Variants in COL4A2 observed in about 807,000 individuals in gnomAD.
The protein encoded by COL4A2 is collagen type IV alpha 2 chain, also known as collagen alpha-2(IV) chain.
COL4A2 carries 99 observed loss-of-function variants against 200.2 expected under a neutral mutation model. That is an observed-to-expected ratio of 0.49 (90% CI 0.42 to 0.58). The LOEUF (loss-of-function observed/expected upper bound fraction) is 0.58, where lower values mean the gene tolerates loss of function less well. COL4A2 is among the 20% of genes least tolerant of loss of function. The pLI is 0.00. For missense variants in COL4A2, 1,950 were observed against 2,314.1 expected, an observed-to-expected ratio of 0.84 and a Z score of 3.23; for synonymous variants, 897 against 900.6, an observed-to-expected ratio of 1.00 and a Z score of 0.07.
chr13:110,405,373 C>T (rs1010519164), intron 4 of COL4A2, among the ~76,000 whole-genome samples: 4 of 152,136 alleles, frequency 2.6e-5, no homozygotes, highest in Admixed American at 2.0e-4. Context: ...TGTATGGAAG[C>T]CTGGGTTGAG....
chr13:110,390,359 C>T (rs899130825), intron 4 of COL4A2, among the ~76,000 whole-genome samples: 1 of 152,216 alleles, frequency 6.6e-6, no homozygotes, highest in African/African-American at 2.4e-5. Context: ...CACAGATTCC[C>T]AAAGGTCACG....
At chr13:110,320,656 T>C (rs1885251904) in intron 3 of COL4A2, among the ~76,000 whole-genome samples, 1 of 150,130 alleles carries the variant, frequency 6.7e-6, no homozygotes, top group African/African-American at 2.4e-5. Context: ...GGCCATCTGC[T>C]TCTTTTTATA....
At chr13:110,336,350 C>CA (rs1317684908) in intron 3 of COL4A2, among the ~76,000 whole-genome samples, 1 of 151,810 alleles carries the variant, frequency 6.6e-6, no homozygotes, top group African/African-American at 2.4e-5. Flanking sequence ...TAGATGAATT[C>CA]AAAAAAATGG....
At chr13:110,337,064 G>A (rs1243138479) in intron 3 of COL4A2, among the ~76,000 whole-genome samples, 2 of 152,226 alleles carry the variant, frequency 1.3e-5, no homozygotes, top group African/African-American at 2.4e-5. Flanking sequence ...GGGGAAATGA[G>A]GAAAACAGAC....
intron 4 of COL4A2, among the ~76,000 whole-genome samples, chr13:110,368,976 AGGAGGGC>A (rs1159704725): frequency 6.6e-6 from 1 of 152,160 alleles, no homozygotes; most frequent in Non-Finnish European, 1.5e-5. Context: ...TGGGAGGCCG[AGGAGGGC>A]GGATCACGAG....
intron 22 of COL4A2, 120 bp from the exon 23 acceptor site, chr13:110,461,994 C>T (rs1469499180): frequency 1.4e-6 from 2 of 1,458,522 alleles, no homozygotes; most frequent in Non-Finnish European, 1.9e-6. Context: ...TTGGGTGGCG[C>T]TCGGTTTGGT....
At chr13:110,469,929 T>TA (rs60503709) in intron 28 of COL4A2, among the ~76,000 whole-genome samples, 2 of 145,144 alleles carry the variant, frequency 1.4e-5, no homozygotes, top group Non-Finnish European at 3.0e-5. Context: ...TTTTTTTTTT[T>TA]AATGAAATGG....
rs12184943 is a variant in COL4A2 at position 110,438,237 on chromosome 13, T to G, written c.861+200T>G. Among the ~76,000 whole-genome samples, 1,089 of 152,362 alleles carry G rather than the reference T, an allele frequency of 7.1e-3. 8 individuals carry two copies. Among genetic ancestry groups the G allele is most frequent in the African/African-American group, 0.022 (926 of 41,590 alleles). ...GTTCTAGAATTTCTTCCTCTTGGCA[T>G]CATAAACACTGGCTAATCATCTTCT... On this transcript the variant is annotated intron_variant, in intron 14 of 47. Coordinates refer to ENST00000360467, the MANE Select transcript of COL4A2 (RefSeq NM_001846.4).
chr13:110,357,338 A>G (rs1011510235), intron 3 of COL4A2, 134 bp from the exon 4 acceptor site: 2 of 1,351,520 alleles, frequency 1.5e-6, no homozygotes, highest in African/African-American at 3.0e-5. Context: ...CTATTTTTTT[A>G]AAAAAGCCTT....
At chr13:110,427,874 A>C (rs1231066955) in intron 6 of COL4A2, among the ~76,000 whole-genome samples, 1 of 152,228 alleles carries the variant, frequency 6.6e-6, no homozygotes, top group Non-Finnish European at 1.5e-5. Flanking sequence ...ACAAGAGGCA[A>C]TCAGCTCTTC....
In COL4A2 at chr13:110,495,406, G is replaced by A. The variant is rs1883424889; in HGVS notation, c.3699G>A (p.Glu1233=). ...CTGGGGAAAGAGGTGACCCAGGAGA[G>A]GCCAACACCCTTCCAGGCCCTGTGG... is the stretch of plus-strand genomic sequence containing the variant. The part of the protein sequence containing the change: ...GPPGERGDPG[E]ANTLPGPVGV... The change falls in exon 40 of 48, where the codon GAG becomes GAA. Residue 1233 remains glutamate (E), a synonymous_variant. Transcript: ENST00000360467. The A allele has an allele frequency of 1.9e-6, 3 of 1,614,110 alleles. No homozygotes were observed. The highest frequency in any genetic ancestry group is 2.5e-6 in the Non-Finnish European group (3 of 1,180,014).
In COL4A2 at chr13:110,489,746, C is replaced by A; in HGVS notation, c.3307C>A (p.Pro1103Thr). ...GGACACTATAAATTTACCAGGAAGA[C>A]CAGGCCTGAAGGGGGAGCGGGGCAC... ...IGDTINLPGR[P>T]GLKGERGTTG... The change falls in exon 36 of 48, where the codon CCA (proline) becomes ACA (threonine). Residue 1103 changes from proline to threonine, a missense_variant. Physicochemically the swap from Pro to Thr is conservative, Grantham distance 38. Around this residue, in one of 2 missense-constraint regions of COL4A2, gnomAD observed 1,385 missense variants for 1,720.5 expected, o/e 0.80. Transcript: ENST00000360467. 6.2e-7 allele frequency: 1 copy of A among 1,613,806 alleles called. No individual in the cohort carries two copies. Among genetic ancestry groups the A allele is most frequent in the East Asian group, 2.2e-5 (1 of 44,896 alleles).
chr13:110,385,851 G>A (rs200302075), intron 4 of COL4A2, among the ~76,000 whole-genome samples: 744 of 14,892 alleles, frequency 0.05, 187 homozygotes, highest in East Asian at 0.15. Flanking sequence ...GTGTGGATAG[G>A]CCGTGGTTGC....
chr13:110,432,481 A>C, intron 11 of COL4A2, 121 bp downstream of exon 11: 1 of 1,256,098 alleles, frequency 8.0e-7, no homozygotes, highest in Non-Finnish European at 1.1e-6. Context: ...TTATGATGAA[A>C]ACAGTTTTGG....
intron 8 of COL4A2, 80 bp downstream of exon 8, chr13:110,430,036 C>T (rs1880617113): frequency 4.3e-6 from 6 of 1,397,696 alleles, no homozygotes; most frequent in African/African-American, 1.5e-5. Context: ...GCCAAGTGAA[C>T]TTTGCATGTA....
intron 4 of COL4A2, among the ~76,000 whole-genome samples, chr13:110,411,601 A>C (rs1447440042): frequency 2.0e-5 from 3 of 152,218 alleles, no homozygotes; most frequent in Non-Finnish European, 4.4e-5. Context: ...CAGAGAAGCC[A>C]TGTTCTTAAA....
rs78525615 is a variant in COL4A2, at chr13:110,457,714, C to T, written c.1432+279C>T. On this transcript the variant is annotated intron_variant, in intron 21 of 47. Transcript: ENST00000360467. ...AGCAGCAGTGAGCCTGATGCTGAGT[C>T]CTGTGCTGGGTTAAAAGGGAAAACA... is the stretch of plus-strand genomic sequence containing the variant. 3,213 of 599,804 alleles carry T rather than the reference C, an allele frequency of 5.4e-3. 74 individuals carry two copies. The African/African-American group carries it at 0.054, about 10-fold the overall frequency. The allele number at this position is 599,804 out of a possible 1,614,324, so 37.2% of individuals were successfully genotyped here.
In COL4A2 at chr13:110,503,101, CT is replaced by C. The variant is rs766081030; in HGVS notation, c.3878-18del. On this transcript the variant is annotated intron_variant, in intron 41 of 47. Coordinates refer to ENST00000360467, the MANE Select transcript of COL4A2 (RefSeq NM_001846.4). ...TGGGGCCCTGTTTAAACCCTCCTTT[CT>C]TGTCCCTAATGCCAACAGGTTATCG... 6.2e-7 allele frequency: 1 copy of C among 1,611,612 alleles called. No homozygotes were observed. The highest frequency in any genetic ancestry group is 1.3e-5 in the African/African-American group (1 of 74,708).
intron 3 of COL4A2, among the ~76,000 whole-genome samples, chr13:110,337,678 G>A (rs1283003045): frequency 6.6e-6 from 1 of 152,180 alleles, no homozygotes; most frequent in Non-Finnish European, 1.5e-5. Context: ...CTCCACATCT[G>A]ACCGCAAGCA....
Sources: allele counts gnomAD v4.1 joint callset (sites outside exome capture counted in the v4.1 genomes callset), GRCh38; gene constraint gnomAD v4.1.1; regional missense constraint gnomAD v4.1.1; transcripts MANE v1.5; gene names NCBI Gene and HGNC (gene_info 2026-07-23, HGNC 2026-07-21).